The following PPFIA2 variants were observed in gnomAD, a reference collection of about 807,000 sequenced individuals.
PPFIA2 encodes the protein PPFI scaffold protein A2.
Under a neutral mutation model 175.5 loss-of-function variants are expected in PPFIA2, and 46 were observed. That is an observed-to-expected ratio of 0.26 (90% CI 0.21 to 0.34). The LOEUF is 0.34. Ranked by LOEUF, PPFIA2 falls within the 10% of genes least tolerant of loss-of-function variation. PPFIA2 has a pLI of 1.00. For synonymous variants in PPFIA2, 568 were observed against 511.4 expected (o/e 1.11, Z -1.49); for missense variants, 1,179 against 1,506.1 (o/e 0.78, Z 3.60).
chr12:81,264,735 C>T (rs2036679410), intron 30 of PPFIA2, among the ~76,000 whole-genome samples: 1 of 152,152 alleles, frequency 6.6e-6, no homozygotes, highest in Non-Finnish European at 1.5e-5. Flanking sequence ...TTAAAATCTA[C>T]ATTTTGTTTC....
intron 4 of PPFIA2, among the ~76,000 whole-genome samples, chr12:81,523,913 T>C (rs1002984861): frequency 8.5e-5 from 13 of 152,170 alleles, no homozygotes; most frequent in Admixed American, 2.0e-4. Context: ...AATGAAAAAT[T>C]CTTAGAACAA....
chr12:81,376,086 G>T (rs1367375241), intron 9 of PPFIA2, 144 bp from the exon 10 acceptor site: 1 of 769,332 alleles, frequency 1.3e-6, no homozygotes, highest in Non-Finnish European at 2.0e-6. Context: ...GAACGAATGT[G>T]AGATTGCAGG....
intron 4 of PPFIA2, among the ~76,000 whole-genome samples, chr12:81,549,056 C>A (rs1310366994): frequency 6.6e-6 from 1 of 152,040 alleles, no homozygotes; most frequent in South Asian, 2.1e-4. Context: ...AAATTAATGT[C>A]TCTGAGCCAT....
intron 4 of PPFIA2, among the ~76,000 whole-genome samples, chr12:81,616,505 C>A (rs562517899): frequency 2.6e-5 from 4 of 152,162 alleles, no homozygotes; most frequent in Admixed American, 2.6e-4. Flanking sequence ...CATATTGACA[C>A]TGAATTATTA....
chr12:81,276,758 T>G (rs1240844093), intron 28 of PPFIA2, among the ~76,000 whole-genome samples: 1 of 152,202 alleles, frequency 6.6e-6, no homozygotes, highest in African/African-American at 2.4e-5. Context: ...ACATAACAGC[T>G]GCAGCAATTT....
At chr12:81,593,999 C>T (rs1040376950) in intron 4 of PPFIA2, among the ~76,000 whole-genome samples, 2 of 152,124 alleles carry the variant, frequency 1.3e-5, no homozygotes, top group Admixed American at 6.6e-5. Flanking sequence ...CACATTACCG[C>T]CTGAGCTCTG....
rs1031934361 is a variant in PPFIA2 at position 81,440,504 on chromosome 12, C to T, written c.571-458G>A. Among the ~76,000 whole-genome samples, 3 of 151,964 alleles carry T rather than the reference C, an allele frequency of 2.0e-5. No homozygotes were observed. In the East Asian group the frequency reaches 5.8e-4, roughly 29 times the overall value. On this transcript the variant is annotated intron_variant, in intron 6 of 32. Transcript: ENST00000549396. Reference sequence around the variant, plus strand: ...AGTATCTAATTTCAAAAATTATTTGCCTGAAGGAAAGGCCTTTTAGAACCT... The same window carrying T: ...AGTATCTAATTTCAAAAATTATTTGTCTGAAGGAAAGGCCTTTTAGAACCT...
intron 4 of PPFIA2, among the ~76,000 whole-genome samples, chr12:81,627,011 T>C (rs1203254787): frequency 1.3e-5 from 2 of 152,052 alleles, no homozygotes; most frequent in African/African-American, 2.4e-5. Context: ...AAGCAGGTAA[T>C]GGTATTATCA....
chr12:81,722,573 A>G (rs1315569369), intron 3 of PPFIA2, among the ~76,000 whole-genome samples: 1 of 151,082 alleles, frequency 6.6e-6, no homozygotes, highest in African/African-American at 2.4e-5. Flanking sequence ...CAGGAGAGAT[A>G]GGAGATAGGA....
At chr12:81,353,847 G>A (rs1173211242) in intron 16 of PPFIA2, among the ~76,000 whole-genome samples, 1 of 152,072 alleles carries the variant, frequency 6.6e-6, no homozygotes, top group Non-Finnish European at 1.5e-5. Flanking sequence ...ATGATGTACA[G>A]GTATACTCCA....
chr12:81,585,587 A>G (rs562279067), intron 4 of PPFIA2, among the ~76,000 whole-genome samples: 1 of 151,874 alleles, frequency 6.6e-6, no homozygotes, highest in African/African-American at 2.4e-5. Context: ...GATCATCACC[A>G]CCATTGTCGT....
At chr12:81,725,251 G>T (rs2079910228) in intron 3 of PPFIA2, among the ~76,000 whole-genome samples, 1 of 150,764 alleles carries the variant, frequency 6.6e-6, no homozygotes, top group Admixed American at 6.6e-5. Context: ...CAATGAGTAA[G>T]TTTTTTTCCC....
intron 8 of PPFIA2, among the ~76,000 whole-genome samples, chr12:81,400,687 A>T (rs1019018189): frequency 1.3e-5 from 2 of 152,218 alleles, no homozygotes; most frequent in African/African-American, 4.8e-5. Flanking sequence ...TAAATGTCAG[A>T]TTCAAAGAGG....
In PPFIA2 at chr12:81,267,051, C is replaced by T. The variant is rs372090351; in HGVS notation, c.3487-31G>A. Reference sequence around the variant, plus strand: ...GACGTCAAATTACAGTTACCATCACCGAAATCACATTTTATTTTAAAAATC... The same window carrying T: ...GACGTCAAATTACAGTTACCATCACTGAAATCACATTTTATTTTAAAAATC... On this transcript the variant is annotated intron_variant, in intron 29 of 32. Transcript: ENST00000549396. 2.2e-5 allele frequency: 33 copies of T among 1,471,782 alleles called. 1 individual carries two copies. In the East Asian group the frequency reaches 4.8e-4, roughly 21 times the overall value. 91.2% of individuals were successfully genotyped at this position (1,471,782 alleles called of 1,614,324 possible).
intron 7 of PPFIA2, among the ~76,000 whole-genome samples, chr12:81,406,323 A>C (rs2042923693): frequency 6.6e-6 from 1 of 152,164 alleles, no homozygotes; most frequent in Non-Finnish European, 1.5e-5. Flanking sequence ...TTAAAGACTA[A>C]TTATGAGCAC....
intron 4 of PPFIA2, among the ~76,000 whole-genome samples, chr12:81,615,794 A>T (rs191466869): frequency 1.3e-5 from 2 of 152,270 alleles, no homozygotes; most frequent in East Asian, 3.9e-4. Flanking sequence ...AGGGAAGCAA[A>T]GAAATGGGCA....
rs2068508871 is a variant in PPFIA2, at chr12:81,659,933, A to C, written c.303+16858T>G. On this transcript the variant is annotated intron_variant, in intron 4 of 32. Coordinates refer to ENST00000549396, the MANE Select transcript of PPFIA2 (RefSeq NM_003625.5). The stretch of plus-strand genomic sequence containing the variant: ...ATTCTGCAGCCTCCACGCTCCAGGC[A>C]AACAGGGTTGGAGGGAACTCTGGCA... 1.3e-5 allele frequency among the ~76,000 whole-genome samples: 2 copies of C among 152,166 alleles called. 1 individual carries two copies. Among genetic ancestry groups the C allele is most frequent in the East Asian group, 3.9e-4 (2 of 5,180 alleles).
chr12:81,744,422 T>TTC (rs1405686046), intron 3 of PPFIA2, among the ~76,000 whole-genome samples: 8 of 145,816 alleles, frequency 5.5e-5, no homozygotes, highest in African/African-American at 2.0e-4. Flanking sequence ...AATGCTTTCT[T>TTC]TTTTTTTTTT....
intron 4 of PPFIA2, among the ~76,000 whole-genome samples, chr12:81,644,811 C>A (rs145098589): frequency 2.9e-4 from 44 of 152,114 alleles, no homozygotes; most frequent in Non-Finnish European, 4.7e-4. Flanking sequence ...GATTTTAAGT[C>A]GCTAAATGAG....
Sources: gnomAD v4.1 joint callset for allele counts (sites outside exome capture counted in the v4.1 genomes callset) on GRCh38, gnomAD v4.1.1 for gene constraint, MANE v1.5 for transcripts, NCBI Gene and HGNC (gene_info 2026-07-23, HGNC 2026-07-21) for gene names.